The following FRMD4B variants were observed in gnomAD, a reference collection of about 807,000 sequenced individuals.
The protein encoded by FRMD4B is FERM domain-containing protein 4B.
Under a neutral mutation model 141.5 loss-of-function variants are expected in FRMD4B, and 74 were observed. That is an observed-to-expected ratio of 0.52 (90% CI 0.43 to 0.63). The LOEUF (loss-of-function observed/expected upper bound fraction) is 0.63, where lower values mean the gene tolerates loss of function less well. Ranked by LOEUF, FRMD4B falls within the 30% of genes least tolerant of loss-of-function variation. The pLI, the probability that FRMD4B is intolerant of heterozygous loss-of-function variation, is 0.00. For missense variants in FRMD4B, 1,366 were observed against 1,253.4 expected, an observed-to-expected ratio of 1.09 and a Z score of -1.36; for synonymous variants, 506 against 467.9, an observed-to-expected ratio of 1.08 and a Z score of -1.05.
intron 1 of FRMD4B, among the ~76,000 whole-genome samples, chr3:69,337,900 G>T (rs1031604336): frequency 2.6e-5 from 4 of 152,216 alleles, no homozygotes; most frequent in African/African-American, 9.7e-5. Context: ...ACAGTGTGGC[G>T]ATTCCTCAGG....
At chr3:69,192,889 T>C (rs1427217231) in intron 17 of FRMD4B, among the ~76,000 whole-genome samples, 1 of 151,908 alleles carries the variant, frequency 6.6e-6, no homozygotes, top group East Asian at 1.9e-4. Context: ...GCAATCATAG[T>C]TCACTGCAGC....
chr3:69,218,457 A>C, intron 9 of FRMD4B, 78 bp from the exon 10 acceptor site: 2 of 656,184 alleles, frequency 3.0e-6, no homozygotes, highest in Non-Finnish European at 2.7e-6. Flanking sequence ...TTAAAGAAAC[A>C]CCACGTTTCT....
upstream of FRMD4B, among the ~76,000 whole-genome samples, chr3:69,390,333 A>G (rs1022422194): frequency 2.0e-5 from 3 of 152,160 alleles, no homozygotes; most frequent in African/African-American, 7.2e-5. Flanking sequence ...GACGTCCAAC[A>G]TAGGGCTTGA....
chr3:69,378,589 C>T (rs1704034248), intron 1 of FRMD4B, among the ~76,000 whole-genome samples: 1 of 152,214 alleles, frequency 6.6e-6, no homozygotes. Flanking sequence ...GACATCACTA[C>T]AACAGCCTCT....
At chr3:69,241,800 C>T (rs540760212) in intron 7 of FRMD4B, among the ~76,000 whole-genome samples, 32 of 152,102 alleles carry the variant, frequency 2.1e-4, no homozygotes, top group African/African-American at 6.0e-4. Context: ...ACCCAGGAGG[C>T]GGAGTTTGCA....
intron 1 of FRMD4B, among the ~76,000 whole-genome samples, chr3:69,492,146 T>G (rs899975200): frequency 2.6e-5 from 4 of 152,122 alleles, no homozygotes; most frequent in African/African-American, 9.7e-5. Context: ...CTTGCATGCT[T>G]GGGGAGGCGG....
chr3:69,428,242 G>A (rs1252874812), intron 2 of FRMD4B, among the ~76,000 whole-genome samples: 1 of 151,418 alleles, frequency 6.6e-6, no homozygotes, highest in African/African-American at 2.4e-5. Context: ...AACCAGTTCT[G>A]CATCTCACTA....
intron 1 of FRMD4B, among the ~76,000 whole-genome samples, chr3:69,489,075 G>T (rs959162490): frequency 6.6e-6 from 1 of 151,666 alleles, no homozygotes; most frequent in East Asian, 1.9e-4. Context: ...GTGCTTCCAA[G>T]GACACTATCA....
At chr3:69,481,354 C>G (rs1485244828) in intron 1 of FRMD4B, among the ~76,000 whole-genome samples, 1 of 152,156 alleles carries the variant, frequency 6.6e-6, no homozygotes, top group East Asian at 1.9e-4. Context: ...GCCATCTTGG[C>G]ACACTCCTCT....
At chr3:69,214,225 A>AT (rs1159519113) in intron 11 of FRMD4B, among the ~76,000 whole-genome samples, 3 of 152,220 alleles carry the variant, frequency 2.0e-5, no homozygotes, top group Admixed American at 1.3e-4. Context: ...AGTACGTATG[A>AT]TTATAGGGCT....
At chr3:69,395,683 T>C (rs1345087070) in intron 2 of FRMD4B, among the ~76,000 whole-genome samples, 1 of 152,098 alleles carries the variant, frequency 6.6e-6, no homozygotes, top group South Asian at 2.1e-4. Flanking sequence ...AATTAACTTT[T>C]TAGGATAGGA....
chr3:69,181,437 A>C lies in FRMD4B; in HGVS notation c.2313T>G (p.Val771=). The C allele has an allele frequency of 6.2e-7, 1 of 1,613,834 alleles. No homozygotes were observed. The highest frequency in any genetic ancestry group is 8.5e-7 in the Non-Finnish European group (1 of 1,179,842). Residue 771 remains valine, a synonymous_variant, in exon 21 of 23, where the codon GTT becomes GTG. Transcript: ENST00000398540. The stretch of plus-strand genomic sequence containing the variant: ...GCATGCTTCCTGAATTTGAAGTAGA[A>C]ACATTCTGTTTCTTTGACCTCCTCC... The part of the protein sequence containing the change: ...RGRRRSKKQN[V]STSNSGSMPN...
chr3:69,316,050 G>T (rs1701795121), intron 1 of FRMD4B, among the ~76,000 whole-genome samples: 1 of 152,078 alleles, frequency 6.6e-6, no homozygotes, highest in Admixed American at 6.6e-5. Context: ...GCTCAGACTG[G>T]GATAAGTAAC....
At chr3:69,490,305 G>A (rs1575589009) in intron 1 of FRMD4B, among the ~76,000 whole-genome samples, 1 of 152,340 alleles carries the variant, frequency 6.6e-6, no homozygotes, top group African/African-American at 2.4e-5. Context: ...TTCAGCACTA[G>A]CCAGAAAGGG....
At chr3:69,458,753 G>A (rs987522830) in intron 1 of FRMD4B, among the ~76,000 whole-genome samples, 2 of 148,860 alleles carry the variant, frequency 1.3e-5, no homozygotes, top group East Asian at 2.1e-4. Flanking sequence ...ATCAGAGCCA[G>A]TGTATTGGTA....
At chr3:69,520,868 A>G (rs1700844916) in intron 1 of FRMD4B, among the ~76,000 whole-genome samples, 1 of 152,198 alleles carries the variant, frequency 6.6e-6, no homozygotes, top group African/African-American at 2.4e-5. Context: ...TCAGAATATT[A>G]GAAAGGCTTA....
intron 11 of FRMD4B, among the ~76,000 whole-genome samples, chr3:69,213,114 G>C (rs1345544817): frequency 6.6e-6 from 1 of 152,102 alleles, no homozygotes; most frequent in African/African-American, 2.4e-5. Context: ...AAAGTGAAAA[G>C]AAATCGGTTT....
chr3:69,273,280 G>C (rs1292766807), intron 5 of FRMD4B, among the ~76,000 whole-genome samples: 1 of 152,178 alleles, frequency 6.6e-6, no homozygotes, highest in African/African-American at 2.4e-5. Flanking sequence ...CTAAGAAAAA[G>C]TGTTTGAATC....
At chr3:69,316,443 AC>A (rs981619854) in intron 1 of FRMD4B, among the ~76,000 whole-genome samples, 22 of 151,954 alleles carry the variant, frequency 1.4e-4, no homozygotes, top group African/African-American at 5.1e-4. Context: ...ATGGTAATTT[AC>A]TCAAAGTTAC....
Sources: gnomAD v4.1 joint callset for allele counts (sites outside exome capture counted in the v4.1 genomes callset) on GRCh38, gnomAD v4.1.1 for gene constraint, MANE v1.5 for transcripts, NCBI Gene and HGNC (gene_info 2026-07-23, HGNC 2026-07-21) for gene names.